NBEA: variants seen among roughly 807,000 people sequenced by gnomAD.
NBEA encodes the protein lysosomal-trafficking regulator 2.
In NBEA, 44 loss-of-function variants were observed where a neutral mutation model predicts 343.4. That is an observed-to-expected ratio of 0.13 (90% CI 0.10 to 0.16). The LOEUF is 0.16. Ranked by LOEUF, NBEA falls within the 10% of genes least tolerant of loss-of-function variation. NBEA has a pLI of 1.00. For synonymous variants in NBEA, 1,175 were observed against 1,238.7 expected (o/e 0.95, Z 1.08); for missense variants, 2,555 against 3,631.3 (o/e 0.70, Z 7.62).
intron 43 of NBEA, among the ~76,000 whole-genome samples, chr13:35,553,944 T>C (rs2079464344): frequency 6.6e-6 from 1 of 152,156 alleles, no homozygotes; most frequent in South Asian, 2.1e-4. Flanking sequence ...GTTTGGTGGC[T>C]ACTGTCTTCA....
At chr13:35,523,800 T>G (rs935574834) in intron 41 of NBEA, among the ~76,000 whole-genome samples, 2 of 152,192 alleles carry the variant, frequency 1.3e-5, no homozygotes, top group Non-Finnish European at 2.9e-5. Flanking sequence ...AGAACCAGTT[T>G]TTAGACTTCT....
intron 1 of NBEA, among the ~76,000 whole-genome samples, chr13:35,011,209 G>A (rs2061485291): frequency 6.6e-6 from 1 of 152,082 alleles, no homozygotes; most frequent in Non-Finnish European, 1.5e-5. Context: ...TATCAAAGTT[G>A]CCTTTCATCA....
chr13:35,403,214 T>C (rs1227828962), intron 38 of NBEA, among the ~76,000 whole-genome samples: 5 of 151,942 alleles, frequency 3.3e-5, no homozygotes, highest in Admixed American at 1.3e-4. Flanking sequence ...TAAAATTGTA[T>C]TTAAATATTT....
chr13:35,452,354 G>T, intron 40 of NBEA, 119 bp downstream of exon 40: 1 of 724,946 alleles, frequency 1.4e-6, no homozygotes, highest in Non-Finnish European at 2.3e-6. Flanking sequence ...TCAATCACAT[G>T]AATGTTAAAA....
intron 1 of NBEA, among the ~76,000 whole-genome samples, chr13:35,022,560 G>T (rs904127944): frequency 6.6e-6 from 1 of 151,996 alleles, no homozygotes; most frequent in African/African-American, 2.4e-5. Context: ...GTATTTTTCT[G>T]TTATTTACTA....
chr13:35,168,282 T>C (rs1320059892), intron 24 of NBEA, among the ~76,000 whole-genome samples: 4 of 151,586 alleles, frequency 2.6e-5, no homozygotes, highest in African/African-American at 9.7e-5. Flanking sequence ...ATTTTTATTG[T>C]GAAAACTAAT....
chr13:35,370,589 G>T (rs548627883), intron 38 of NBEA, among the ~76,000 whole-genome samples: 1 of 151,952 alleles, frequency 6.6e-6, no homozygotes, highest in South Asian at 2.1e-4. Flanking sequence ...ATGTACTTTT[G>T]GTTGTTTTGT....
chr13:35,485,578 T>G (rs2152969733), intron 41 of NBEA, among the ~76,000 whole-genome samples: 1 of 152,198 alleles, frequency 6.6e-6, no homozygotes, highest in Middle Eastern at 3.4e-3. Flanking sequence ...CCTACTATAC[T>G]TAATGGCAAC....
chr13:34,987,267 G>A (rs1011485435), intron 1 of NBEA, among the ~76,000 whole-genome samples: 2 of 150,912 alleles, frequency 1.3e-5, no homozygotes, highest in South Asian at 4.2e-4. Context: ...AGCCTAGTTT[G>A]GCTGGATATG....
intron 1 of NBEA, among the ~76,000 whole-genome samples, chr13:35,014,040 T>C (rs914442301): frequency 7.9e-5 from 12 of 152,190 alleles, no homozygotes; most frequent in African/African-American, 2.4e-4. Context: ...TTTTAATTTT[T>C]GTTGAAAGCT....
Position 35,001,020 on chromosome 13 carries a change from T to C in NBEA, c.295-39913T>C, listed in dbSNP as rs73487614. On this transcript the variant is annotated intron_variant, in intron 1 of 58. Coordinates refer to ENST00000379939, the MANE Select transcript of NBEA (RefSeq NM_001385012.1). The stretch of plus-strand genomic sequence containing the variant: ...TCTTAGTATGTTTCTGAGGTTGAAC[T>C]TGAACTCCTGGACTCAGGTGATCCT... 6.4e-3 allele frequency among the ~76,000 whole-genome samples: 967 copies of C among 152,196 alleles called. 11 individuals are homozygous for C. The highest frequency in any genetic ancestry group is 0.022 in the African/African-American group (926 of 41,530).
At chr13:35,013,103 C>T (rs1001632850) in intron 1 of NBEA, among the ~76,000 whole-genome samples, 2 of 152,244 alleles carry the variant, frequency 1.3e-5, no homozygotes, top group Non-Finnish European at 2.9e-5. Flanking sequence ...AATATACTGA[C>T]ATCACACAAA....
Position 35,374,849 on chromosome 13 carries a change from T to C in NBEA, c.6179+22526T>C, listed in dbSNP as rs1304367486. Among the ~76,000 whole-genome samples, 3 of 152,192 alleles carry C rather than the reference T, an allele frequency of 2.0e-5. No homozygotes were observed. The East Asian group carries it at 5.8e-4, about 29-fold the overall frequency. ...CCATTTACTTACGGTTTTCCTTTAT[T>C]TTTCTCACTGTTATAACAGTGAGAA... On this transcript the variant is annotated intron_variant, in intron 38 of 58. Transcript: ENST00000379939.
chr13:35,452,277 C>A, intron 40 of NBEA, 42 bp downstream of exon 40: 1 of 1,443,468 alleles, frequency 6.9e-7, no homozygotes, highest in Non-Finnish European at 9.5e-7. Flanking sequence ...TGTAAATAAA[C>A]ACAAAGCTAC....
At chr13:34,954,246 CAG>C (rs1318990895) in intron 1 of NBEA, among the ~76,000 whole-genome samples, 5 of 152,176 alleles carry the variant, frequency 3.3e-5, no homozygotes, top group Non-Finnish European at 7.3e-5. Context: ...TTGGTAACCA[CAG>C]GGGGCCCTGG....
chr13:35,308,549 T>A (rs1290633916), intron 35 of NBEA, among the ~76,000 whole-genome samples: 1 of 117,858 alleles, frequency 8.5e-6, no homozygotes, highest in Non-Finnish European at 1.7e-5. Flanking sequence ...TGTATATATA[T>A]GTATATATGT....
chr13:34,943,202 G>C, intron 1 of NBEA, 88 bp downstream of exon 1: 1 of 1,508,392 alleles, frequency 6.6e-7, no homozygotes, highest in Non-Finnish European at 9.0e-7. Flanking sequence ...TCACCCCCAG[G>C]GTCACACGCG....
At chr13:35,245,671 T>C (rs778542231) in intron 34 of NBEA, among the ~76,000 whole-genome samples, 2 of 152,168 alleles carry the variant, frequency 1.3e-5, no homozygotes, top group African/African-American at 2.4e-5. Flanking sequence ...ATCTGATATG[T>C]TTTCCTTTAT....
At chr13:35,031,470 C>A (rs2062215034) in intron 1 of NBEA, among the ~76,000 whole-genome samples, 1 of 151,596 alleles carries the variant, frequency 6.6e-6, no homozygotes. Flanking sequence ...CATGATACTT[C>A]AGAGGTATTC....
Sources: gnomAD v4.1 joint callset for allele counts (sites outside exome capture counted in the v4.1 genomes callset) on GRCh38, gnomAD v4.1.1 for gene constraint, MANE v1.5 for transcripts, NCBI Gene and HGNC (gene_info 2026-07-23, HGNC 2026-07-21) for gene names.